Variants in MUC12 observed in about 807,000 individuals in gnomAD.
MUC12 encodes the protein mucin 12, cell surface associated, also known as mucin-12.
Under a neutral mutation model 230.8 loss-of-function variants are expected in MUC12, and 172 were observed. The observed-to-expected ratio is 0.75, with a 90% CI of 0.66 to 0.85. MUC12 has a LOEUF of 0.85. Among genes scored for constraint, MUC12 ranks in the 40% least tolerant of loss-of-function variants. MUC12 has a pLI of 0.00. For missense variants in MUC12, 3,506 were observed against 5,920.6 expected (o/e 0.59, Z 13.38); for synonymous variants, 1,259 against 2,401.9 (o/e 0.52, Z 13.91).
chr7:101,012,786 T>C (rs767045666), intron 6 of MUC12, 33 bp from the exon 7 acceptor site: 17 of 1,532,048 alleles, frequency 1.1e-5, no homozygotes, highest in East Asian at 2.4e-5. Flanking sequence ...GAAGTGTTTC[T>C]ATTCCATCTT....
intron 8 of MUC12, 149 bp from the exon 9 acceptor site, chr7:101,013,764 A>G (rs1793874839): frequency 1.1e-6 from 1 of 900,210 alleles, no homozygotes; most frequent in South Asian, 2.1e-5. Context: ...AGCCTGAGGA[A>G]GTCAGGGACC....
rs759563737 is a variant in MUC12, at chr7:100,990,821, C to T, written c.258C>T (p.Ser86=). 24 of 1,537,722 alleles carry T rather than the reference C, an allele frequency of 1.6e-5. No homozygotes were observed. The highest frequency in any genetic ancestry group is 8.3e-5 in the South Asian group (7 of 84,068). ...GTGAGGAATCAACAGTATCCCACAG[C>T]GGCCCAGGTGCAACTGGAACAACAC... ...GHSEESTVSH[S]GPGATGTTLF... Residue 86 remains serine (S), a synonymous_variant, in exon 2 of 12, where the codon AGC becomes AGT. Transcript: ENST00000536621.
chr7:100,978,836 G>T (rs548774206), intron 1 of MUC12, among the ~76,000 whole-genome samples: 1 of 152,208 alleles, frequency 6.6e-6, no homozygotes, highest in African/African-American at 2.4e-5. Context: ...TAGAGACAGC[G>T]TCTTTCTCTG....
rs1793700710 is a variant in MUC12, at chr7:101,004,635, A to T, written c.14072A>T (p.Asp4691Val). ...TCAACAGCATCCCACAGCAGCCCAG[A>T]TACAAATGGAATCACACCCTTACCT... is the stretch of plus-strand genomic sequence containing the variant. ...EESTASHSSP[D>V]TNGITPLPAH... Residue 4691 changes from aspartate (D) to valine (V), a missense_variant, in exon 2 of 12, where the codon GAT becomes GTT. Physicochemically the swap from Asp to Val is radical, Grantham distance 152. Transcript: ENST00000536621. The T allele has an allele frequency of 1.3e-6, 2 of 1,537,312 alleles. No homozygotes were observed. Among genetic ancestry groups the T allele is most frequent in the Non-Finnish European group, 8.7e-7 (1 of 1,146,596 alleles).
chr7:100,975,184 AT>A (rs1793003458), intron 1 of MUC12, among the ~76,000 whole-genome samples: 3 of 152,306 alleles, frequency 2.0e-5, no homozygotes, highest in Non-Finnish European at 4.4e-5. Context: ...AATGCCAGGG[AT>A]CCACACGATG....
intron 4 of MUC12, 122 bp from the exon 5 acceptor site, chr7:101,008,973 G>T: frequency 7.6e-7 from 1 of 1,309,738 alleles, no homozygotes; most frequent in Non-Finnish European, 1.0e-6. Context: ...TGGGTTGGTG[G>T]TTCCTCCTAT....
intron 1 of MUC12, among the ~76,000 whole-genome samples, chr7:100,975,387 T>C (rs1031860332): frequency 7.2e-5 from 11 of 152,302 alleles, no homozygotes; most frequent in Non-Finnish European, 1.0e-4. Context: ...ACCTATAAAA[T>C]TGGGAAGAGA....
At position 101,009,120 on chromosome 7, in the gene MUC12, A is replaced by G. The variant is rs1793803769; in HGVS notation, c.15212A>G (p.Asn5071Ser). Residue 5071 changes from asparagine to serine, a missense_variant, in exon 5 of 12, where the codon AAT (asparagine) becomes AGT (serine). Coordinates refer to ENST00000536621, the MANE Select transcript of MUC12 (RefSeq NM_001164462.2). ...NRMDVVLKGDNLPQYRGVNIR... is the reference protein window; with the variant it reads ...NRMDVVLKGDSLPQYRGVNIR... ...ATGGATGTCGTTTTGAAGGGCGACA[A>G]TCTTCCTCAGTATAGAGGGGTGAAC... 1 of 1,537,934 alleles carries G rather than the reference A, an allele frequency of 6.5e-7. No homozygotes were observed. Among genetic ancestry groups the G allele is most frequent in the South Asian group, 1.2e-5 (1 of 84,060 alleles).
intron 1 of MUC12, among the ~76,000 whole-genome samples, chr7:100,988,290 A>T (rs35427068): frequency 1.1e-5 from 1 of 89,324 alleles, no homozygotes; most frequent in Admixed American, 1.5e-4. Context: ...GCTGTCCCAG[A>T]AAAAAAAAAA....
rs1443874539 is a variant in MUC12 at position 101,012,827 on chromosome 7, C to T, written c.15412C>T (p.Leu5138=). The change falls in exon 7 of 12, where the codon CTG becomes TTG. Residue 5138 remains leucine (L), a synonymous_variant. Transcript: ENST00000536621. ...LDPDSCRKAI[L]CYSEEDTFVD... ...CCATCCACTCTCGGCAGAGGCCATA[C>T]TGTGCTATAGTGAAGAGGACACTTT... 1 of 1,537,126 alleles carries T rather than the reference C, an allele frequency of 6.5e-7. No individual in the cohort carries two copies. The highest frequency in any genetic ancestry group is 2.0e-5 in the Admixed American group (1 of 50,978).
rs1793450234 is a variant in MUC12, at chr7:100,995,448, G to T, written c.4885G>T (p.Gly1629Cys). Residue 1629 changes from glycine to cysteine, a missense_variant, in exon 2 of 12, where the codon GGT (glycine) becomes TGT (cysteine). Gly to Cys is a radical substitution (Grantham distance 159, BLOSUM62 -3). Transcript: ENST00000536621. ...TGGCAGTACCACAGCATCATCCCTT[G>T]GTCCAGAATCTACTACTTTCCACAG... ...SPGSTTASSL[G>C]PESTTFHSSP... 2 of 1,531,838 alleles carry T rather than the reference G, an allele frequency of 1.3e-6. No homozygotes were observed. Among genetic ancestry groups the T allele is most frequent in the African/African-American group, 1.4e-5 (1 of 70,794 alleles). The allele number at this position is 1,531,838 out of a possible 1,614,324, so 94.9% of individuals were successfully genotyped here.
chr7:100,992,421 TC>T lies in MUC12; in HGVS notation c.1862del (p.Pro621LeufsTer160), dbSNP rs1334467514. On this transcript the variant is annotated frameshift_variant, in exon 2 of 12. Transcript: ENST00000536621. LOFTEE classifies it high-confidence loss of function. Reference sequence around the variant, plus strand: ...CACCAGATCGCCACACACAACACTGTCCCCTGCCGGCTCTACAACCCGTCAG... The same window carrying T: ...CACCAGATCGCCACACACAACACTGTCCCTGCCGGCTCTACAACCCGTCAG... ...SSTRSPHTTL[S>X]PAGSTTRQGE... is the part of the protein sequence containing the mutation. 1 of 1,537,902 alleles carries T rather than the reference TC, an allele frequency of 6.5e-7. No individual in the cohort carries two copies. Among genetic ancestry groups the T allele is most frequent in the South Asian group, 1.2e-5 (1 of 84,066 alleles).
chr7:101,005,311 A>G lies in MUC12; in HGVS notation c.14748A>G (p.Gly4916=). The stretch of plus-strand genomic sequence containing the variant: ...TCCACAGCAGCTCAGACGCAACTGG[A>G]ACAACACCCTTACCTGCCCGCTCCA... ...TAFHSSSDAT[G]TTPLPARSTA... The change falls in exon 2 of 12, where the codon GGA becomes GGG. Residue 4916 remains glycine (G), a synonymous_variant. Transcript: ENST00000536621. 1.3e-6 allele frequency: 2 copies of G among 1,537,922 alleles called. No homozygotes were observed. Among genetic ancestry groups the G allele is most frequent in the Non-Finnish European group, 1.7e-6 (2 of 1,147,052 alleles).
At position 100,991,013 on chromosome 7, in the gene MUC12, A is replaced by C; in HGVS notation, c.450A>C (p.Thr150=). Residue 150 remains threonine, a synonymous_variant, in exon 2 of 12, where the codon ACA becomes ACC. Transcript: ENST00000536621. ...GTAGCCCCAGATCACCAGACAGAAC[A>C]CTCTCACCTGCCCGCACGACAAGCT... ...FYSSPRSPDR[T]LSPARTTSSG... is the part of the protein sequence containing the mutation. 3 of 1,537,608 alleles carry C rather than the reference A, an allele frequency of 2.0e-6. No individual in the cohort carries two copies. Among genetic ancestry groups the C allele is most frequent in the Non-Finnish European group, 2.6e-6 (3 of 1,146,986 alleles).
At chr7:100,987,246 T>C (rs1793205410) in intron 1 of MUC12, among the ~76,000 whole-genome samples, 1 of 152,002 alleles carries the variant, frequency 6.6e-6, no homozygotes, top group Non-Finnish European at 1.5e-5. Flanking sequence ...TTTGTATTTT[T>C]AGTAGGGATG....
chr7:100,969,725 C>G, intron 1 of MUC12, 36 bp downstream of exon 1: 2 of 1,537,300 alleles, frequency 1.3e-6, no homozygotes, highest in Non-Finnish European at 1.7e-6. Context: ...AGGTCCAGTG[C>G]TCCTGGGTGG....
intron 3 of MUC12, among the ~76,000 whole-genome samples, chr7:101,006,945 T>C (rs1793763325): frequency 6.6e-6 from 1 of 152,130 alleles, no homozygotes; most frequent in African/African-American, 2.4e-5. Flanking sequence ...CCTACGGTAC[T>C]ATTTTAGTTA....
At position 101,012,907 on chromosome 7, in the gene MUC12, AGCGTGGG is replaced by A; in HGVS notation, c.15475+18_15475+24del. 6.5e-7 allele frequency: 1 copy of A among 1,537,242 alleles called. No homozygotes were observed. The highest frequency in any genetic ancestry group is 1.2e-5 in the South Asian group (1 of 84,058). On this transcript the variant is annotated intron_variant, in intron 7 of 11. Coordinates refer to ENST00000536621, the MANE Select transcript of MUC12 (RefSeq NM_001164462.2). ...ACTTCCAGGGTAAGCGACTACGTGG[AGCGTGGG>A]CACTAAGAGTGGGGGCTGGGATGCT...
rs768736963 is a variant in MUC12, at chr7:100,995,518, C to T, written c.4955C>T (p.Thr1652Ile). Residue 1652 changes from threonine (T) to isoleucine (I), a missense_variant, in exon 2 of 12, where the codon ACA becomes ATA. Thr to Ile is a moderately conservative substitution (Grantham distance 89). Transcript: ENST00000536621. ...ACAACACTCTTACCTGACAACACCA[C>T]AGCCTCAGGCCTCCTTGAAGCATCT... ...TETTLLPDNT[T>I]ASGLLEASTP... The T allele has an allele frequency of 1.5e-5, 23 of 1,536,178 alleles. No individual in the cohort carries two copies. In the South Asian group the frequency reaches 2.5e-4, roughly 17 times the overall value.
Sources: allele counts gnomAD v4.1 joint callset (sites outside exome capture counted in the v4.1 genomes callset), GRCh38; gene constraint gnomAD v4.1.1; transcripts MANE v1.5; gene names NCBI Gene and HGNC (gene_info 2026-07-23, HGNC 2026-07-21).